The following ADK variants were observed in gnomAD, a reference collection of about 807,000 sequenced individuals.
ADK encodes the protein N6,N6-dimethyladenosine kinase.
In ADK, 24 loss-of-function variants were observed where a neutral mutation model predicts 44.7. The ratio of observed to expected loss-of-function variants is 0.54; its 90% CI spans 0.39 to 0.76. The LOEUF is 0.76. ADK is among the 30% of genes least tolerant of loss of function. The pLI, the probability that ADK is intolerant of heterozygous loss-of-function variation, is 0.00. For synonymous variants in ADK, 128 were observed against 142.6 expected (o/e 0.90, Z 0.73); for missense variants, 321 against 425.1 (o/e 0.76, Z 2.15).
intron 9 of ADK, among the ~76,000 whole-genome samples, chr10:74,629,430 TGAG>T (rs1227035139): frequency 1.3e-5 from 2 of 152,166 alleles, no homozygotes; most frequent in African/African-American, 4.8e-5. Flanking sequence ...CAGAGCAAAA[TGAG>T]GAGCTCACGC....
At chr10:74,502,418 T>A (rs1313728356) in intron 6 of ADK, among the ~76,000 whole-genome samples, 1 of 152,010 alleles carries the variant, frequency 6.6e-6, no homozygotes, top group Non-Finnish European at 1.5e-5. Context: ...TTAGAAGAGG[T>A]TTATTCCCTG....
In ADK at chr10:74,617,288, A is replaced by G. The variant is rs536779960; in HGVS notation, c.877+16795A>G. On this transcript the variant is annotated intron_variant, in intron 9 of 10. Coordinates refer to ENST00000539909, the MANE Select transcript of ADK (RefSeq NM_006721.4). ...AAAAACCATCAATATTTTATCAAAAAGGATAATGTTTGCTATAGTCTCTTT... is the reference window on the plus strand; with the variant it reads ...AAAAACCATCAATATTTTATCAAAAGGGATAATGTTTGCTATAGTCTCTTT... Among the ~76,000 whole-genome samples the G allele has an allele frequency of 5.3e-5, 8 of 152,346 alleles. No individual in the cohort carries two copies. In the East Asian group the frequency reaches 1.5e-3, roughly 29 times the overall value.
At chr10:74,476,083 T>C (rs1230078344) in intron 6 of ADK, among the ~76,000 whole-genome samples, 1 of 152,204 alleles carries the variant, frequency 6.6e-6, no homozygotes, top group Non-Finnish European at 1.5e-5. Context: ...ACAGAGTTCA[T>C]GCTAGCATTT....
At chr10:74,221,878 G>C in intron 2 of ADK, among the ~76,000 whole-genome samples, 1 of 151,630 alleles carries the variant, frequency 6.6e-6, no homozygotes, top group East Asian at 1.9e-4. Context: ...ATTCAAGATG[G>C]ATTAAAGACT....
intron 9 of ADK, among the ~76,000 whole-genome samples, chr10:74,610,683 A>G (rs910256133): frequency 6.6e-6 from 1 of 152,104 alleles, no homozygotes; most frequent in African/African-American, 2.4e-5. Flanking sequence ...GATCCTCTTT[A>G]TAAATGTTGA....
chr10:74,687,406 A>G (rs950557998), intron 10 of ADK, among the ~76,000 whole-genome samples: 2 of 152,212 alleles, frequency 1.3e-5, no homozygotes, highest in Non-Finnish European at 2.9e-5. Context: ...TTTTTATACA[A>G]TGTCATCAGT....
At chr10:74,202,604 C>T (rs1843435721) in intron 2 of ADK, among the ~76,000 whole-genome samples, 1 of 152,210 alleles carries the variant, frequency 6.6e-6, no homozygotes. Flanking sequence ...GTTCCAGTTT[C>T]TCTACGTCTT....
At chr10:74,477,777 A>T (rs1405880071) in intron 6 of ADK, among the ~76,000 whole-genome samples, 2 of 152,210 alleles carry the variant, frequency 1.3e-5, no homozygotes, top group Non-Finnish European at 2.9e-5. Flanking sequence ...GTAACCAAAC[A>T]TATTCTCCTC....
At chr10:74,584,554 T>G (rs891514103) in intron 7 of ADK, among the ~76,000 whole-genome samples, 2 of 152,218 alleles carry the variant, frequency 1.3e-5, no homozygotes, top group African/African-American at 4.8e-5. Flanking sequence ...ATTATATGAA[T>G]TTTTATTATA....
intron 10 of ADK, among the ~76,000 whole-genome samples, chr10:74,685,032 A>G (rs1855739982): frequency 6.6e-6 from 1 of 152,242 alleles, no homozygotes; most frequent in African/African-American, 2.4e-5. Flanking sequence ...TAGAAACTGC[A>G]TTAGCTACTG....
Position 74,363,731 on chromosome 10 carries a change from C to T in ADK, c.274-30410C>T, listed in dbSNP as rs79832510. On this transcript the variant is annotated intron_variant, in intron 4 of 10. Transcript: ENST00000539909. Reference sequence around the variant, plus strand: ...ATCTGGAGAGCCTGTCTTGTTTGCCCGGACAGATACCCCTCTTCCAGCAGA... The same window carrying T: ...ATCTGGAGAGCCTGTCTTGTTTGCCTGGACAGATACCCCTCTTCCAGCAGA... Among the ~76,000 whole-genome samples, 173 of 152,194 alleles carry T rather than the reference C, an allele frequency of 1.1e-3. No homozygotes were observed. The Middle Eastern group carries it at 0.017, about 15-fold the overall frequency.
chr10:74,240,340 A>C (rs2132298283), intron 3 of ADK, among the ~76,000 whole-genome samples: 1 of 149,436 alleles, frequency 6.7e-6, no homozygotes, highest in East Asian at 2.0e-4. Flanking sequence ...GGAAGTAGGT[A>C]TTTGTCAGCC....
chr10:74,426,769 G>C (rs534312134), intron 6 of ADK, among the ~76,000 whole-genome samples: 2 of 152,018 alleles, frequency 1.3e-5, no homozygotes, highest in East Asian at 3.9e-4. Flanking sequence ...AAACAAACAA[G>C]TGAACTTAAT....
intron 6 of ADK, among the ~76,000 whole-genome samples, chr10:74,474,526 T>C (rs890318288): frequency 2.7e-5 from 4 of 150,642 alleles, no homozygotes; most frequent in Non-Finnish European, 4.5e-5. Context: ...CTTCCCTTTC[T>C]TTCCTTTCTT....
chr10:74,443,830 G>A (rs1001076875), intron 6 of ADK, among the ~76,000 whole-genome samples: 1 of 152,026 alleles, frequency 6.6e-6, no homozygotes, highest in African/African-American at 2.4e-5. Flanking sequence ...AATATGAAAG[G>A]CATGAATTTA....
In ADK at chr10:74,201,674, A is replaced by G. The variant is rs957905279; in HGVS notation, c.140+836A>G. The stretch of plus-strand genomic sequence containing the variant: ...TATGTATGTATGTATGTATGTATGT[A>G]TGTATCTATCTATCTATCTATCTAT... On this transcript the variant is annotated intron_variant, in intron 2 of 10. Coordinates refer to ENST00000539909, the MANE Select transcript of ADK (RefSeq NM_006721.4). 3.7e-5 allele frequency among the ~76,000 whole-genome samples: 3 copies of G among 80,174 alleles called. No homozygotes were observed. In the South Asian group the frequency reaches 1.0e-3, roughly 28 times the overall value. 52.6% of individuals were successfully genotyped at this position (80,174 alleles called of 152,430 possible).
At chr10:74,692,511 G>A (rs1856029816) in intron 10 of ADK, among the ~76,000 whole-genome samples, 1 of 151,818 alleles carries the variant, frequency 6.6e-6, no homozygotes, top group South Asian at 2.1e-4. Context: ...GGAAAGAAAT[G>A]AGCTATTAAG....
At chr10:74,512,316 A>G (rs542127138) in intron 6 of ADK, among the ~76,000 whole-genome samples, 21 of 150,050 alleles carry the variant, frequency 1.4e-4, no homozygotes, top group African/African-American at 5.1e-4. Context: ...CATAGAATCA[A>G]TTAGGAAGTA....
intron 7 of ADK, among the ~76,000 whole-genome samples, chr10:74,534,950 A>G (rs1403760221): frequency 6.6e-6 from 1 of 152,238 alleles, no homozygotes; most frequent in Non-Finnish European, 1.5e-5. Flanking sequence ...ATTTAACATT[A>G]TATATTCTGA....
Sources: gnomAD v4.1 joint callset for allele counts (sites outside exome capture counted in the v4.1 genomes callset) on GRCh38, gnomAD v4.1.1 for gene constraint, MANE v1.5 for transcripts, NCBI Gene and HGNC (gene_info 2026-07-23, HGNC 2026-07-21) for gene names.